Variants in ADAMTSL1 observed in about 807,000 individuals in gnomAD.
ADAMTSL1 encodes the protein ADAMTS like 1.
A neutral mutation model predicts 201.8 loss-of-function variants in ADAMTSL1; 126 were observed. That is an observed-to-expected ratio of 0.62 (90% CI 0.54 to 0.72). The LOEUF (loss-of-function observed/expected upper bound fraction) is 0.72, where lower values mean the gene tolerates loss of function less well. ADAMTSL1 is among the 30% of genes least tolerant of loss of function. The pLI is 0.00. For synonymous variants in ADAMTSL1, 1,121 were observed against 903.4 expected, an observed-to-expected ratio of 1.24 and a Z score of -4.32; for missense variants, 2,679 against 2,277.8, an observed-to-expected ratio of 1.18 and a Z score of -3.59.
chr9:18,713,282 C>T (rs1256461293), intron 14 of ADAMTSL1, among the ~76,000 whole-genome samples: 1 of 151,974 alleles, frequency 6.6e-6, no homozygotes, highest in Non-Finnish European at 1.5e-5. Context: ...ACTAAATGCT[C>T]CAATTAAAAG....
Position 18,062,125 on chromosome 9 carries a change from C to T in ADAMTSL1, c.88-101737C>T, listed in dbSNP as rs1198115703. Among the ~76,000 whole-genome samples the T allele has an allele frequency of 3.3e-5, 5 of 152,164 alleles. No individual in the cohort carries two copies. In the East Asian group the frequency reaches 9.6e-4, roughly 29 times the overall value. On this transcript the variant is annotated intron_variant, in intron 1 of 29. Coordinates refer to the ADAMTSL1 transcript ENST00000680146. ...GGAAGAATGGGTATTTTATGACTCA[C>T]ATAAGTTCTCTAAAGTGTTTTATTT...
chr9:18,610,871 T>A (rs1242445269), intron 4 of ADAMTSL1, among the ~76,000 whole-genome samples: 1 of 151,966 alleles, frequency 6.6e-6, no homozygotes, highest in Non-Finnish European at 1.5e-5. Flanking sequence ...TAAACAAGAG[T>A]TTAATTGTGT....
rs143472024 is a variant in ADAMTSL1 at position 18,680,229 on chromosome 9, A to T, written c.1137-83A>T. ...TCAGAACCTGATTATACCAATAGAC[A>T]TGGGGAGTGGGTTGGTGGACCAGTC... is the stretch of plus-strand genomic sequence containing the variant. On this transcript the variant is annotated intron_variant, in intron 10 of 28. Transcript: ENST00000380548. 1.7e-5 allele frequency: 24 copies of T among 1,376,854 alleles called. No individual in the cohort carries two copies. In the Middle Eastern group the frequency reaches 9.3e-4, roughly 53 times the overall value. The allele number at this position is 1,376,854 out of a possible 1,614,324, so 85.3% of individuals were successfully genotyped here. A position where few individuals can be genotyped will look rare whatever the true frequency, so the allele number is the denominator to read the frequency against.
intron 4 of ADAMTSL1, among the ~76,000 whole-genome samples, chr9:18,595,428 C>A (rs1252881147): frequency 6.6e-6 from 1 of 152,092 alleles, no homozygotes; most frequent in East Asian, 1.9e-4. Flanking sequence ...TTGAGATCTG[C>A]TATGGGATAG....
intron 2 of ADAMTSL1, among the ~76,000 whole-genome samples, chr9:18,227,450 A>G (rs1830472864): frequency 6.6e-6 from 1 of 152,222 alleles, no homozygotes; most frequent in Non-Finnish European, 1.5e-5. Flanking sequence ...TCTATAGATT[A>G]TAAACTCACG....
chr9:18,335,782 A>G (rs1261284494), intron 2 of ADAMTSL1, among the ~76,000 whole-genome samples: 2 of 152,202 alleles, frequency 1.3e-5, no homozygotes, highest in African/African-American at 2.4e-5. Flanking sequence ...AGGTGCTACC[A>G]TATTTTACAT....
intron 2 of ADAMTSL1, among the ~76,000 whole-genome samples, chr9:18,410,507 A>T (rs2133309531): frequency 6.6e-6 from 1 of 152,308 alleles, no homozygotes; most frequent in East Asian, 1.9e-4. Context: ...TAGTTTGCTG[A>T]GAATAATGGC....
intron 16 of ADAMTSL1, among the ~76,000 whole-genome samples, chr9:18,759,009 A>G (rs963363502): frequency 6.6e-6 from 1 of 152,196 alleles, no homozygotes; most frequent in Non-Finnish European, 1.5e-5. Flanking sequence ...TTAAAGAAAA[A>G]AGGTGCTGAA....
At chr9:18,254,606 G>T (rs1295993902) in intron 2 of ADAMTSL1, among the ~76,000 whole-genome samples, 2 of 151,304 alleles carry the variant, frequency 1.3e-5, no homozygotes, top group Non-Finnish European at 2.9e-5. Flanking sequence ...TTCGTGATCC[G>T]CCCGCCTCGG....
intron 2 of ADAMTSL1, among the ~76,000 whole-genome samples, chr9:18,188,992 C>T (rs1158121881): frequency 1.3e-5 from 2 of 152,150 alleles, no homozygotes; most frequent in Non-Finnish European, 2.9e-5. Flanking sequence ...CCTTTGTGCT[C>T]TTTATCGCTG....
Position 18,019,445 on chromosome 9 carries a change from T to G in ADAMTSL1, c.87+112523T>G, listed in dbSNP as rs150752641. Among the ~76,000 whole-genome samples, 59 of 152,204 alleles carry G rather than the reference T, an allele frequency of 3.9e-4. 2 individuals carry two copies. The highest frequency in any genetic ancestry group is 1.4e-3 in the African/African-American group (59 of 41,554). On this transcript the variant is annotated intron_variant, in intron 1 of 29. Coordinates refer to the ADAMTSL1 transcript ENST00000680146. ...AGCTAAGAGTGTGACCGGACCTTTG[T>G]TAAGACCTCAGAGAGATCAAAGGTA...
intron 2 of ADAMTSL1, among the ~76,000 whole-genome samples, chr9:18,244,245 C>T (rs1469025964): frequency 6.6e-6 from 1 of 151,984 alleles, no homozygotes; most frequent in Non-Finnish European, 1.5e-5. Context: ...AGAATGGCAG[C>T]CTGTCTGGCA....
intron 17 of ADAMTSL1, among the ~76,000 whole-genome samples, chr9:18,772,884 G>T (rs117239672): frequency 3.5e-4 from 54 of 152,288 alleles, no homozygotes; most frequent in Admixed American, 3.1e-3. Flanking sequence ...CTTATCCAAC[G>T]AATGTTACTA....
intron 2 of ADAMTSL1, among the ~76,000 whole-genome samples, chr9:18,513,537 C>G (rs186794196): frequency 1.3e-5 from 2 of 152,196 alleles, no homozygotes; most frequent in Admixed American, 1.3e-4. Context: ...GTTGCTTGTG[C>G]TTTTGGTGTT....
intron 9 of ADAMTSL1, among the ~76,000 whole-genome samples, chr9:18,666,684 T>C (rs1305469252): frequency 6.6e-6 from 1 of 152,172 alleles, no homozygotes; most frequent in Non-Finnish European, 1.5e-5. Context: ...GTGTGGCATT[T>C]TTACCTCTTG....
At chr9:17,945,076 G>A (rs1170597313) in intron 1 of ADAMTSL1, among the ~76,000 whole-genome samples, 1 of 52,570 alleles carries the variant, frequency 1.9e-5, no homozygotes. Context: ...TCTGACAAAG[G>A]GCTAATATCC....
At chr9:18,739,235 A>G (rs1170137681) in intron 15 of ADAMTSL1, among the ~76,000 whole-genome samples, 1 of 152,206 alleles carries the variant, frequency 6.6e-6, no homozygotes, top group East Asian at 1.9e-4. Flanking sequence ...TAGATAAATG[A>G]GTTGGCATTC....
chr9:18,010,348 A>G (rs929071772), intron 1 of ADAMTSL1, among the ~76,000 whole-genome samples: 1 of 152,076 alleles, frequency 6.6e-6, no homozygotes, highest in African/African-American at 2.4e-5. Context: ...CATGTATATT[A>G]CATGCTTTCA....
At chr9:18,409,489 C>G (rs1818342689) in intron 2 of ADAMTSL1, among the ~76,000 whole-genome samples, 2 of 151,340 alleles carry the variant, frequency 1.3e-5, no homozygotes, top group African/African-American at 4.8e-5. Context: ...AACTGACATT[C>G]TAATCATATA....
Sources: gnomAD v4.1 joint callset for allele counts (sites outside exome capture counted in the v4.1 genomes callset) on GRCh38, gnomAD v4.1.1 for gene constraint, MANE v1.5 for transcripts, NCBI Gene and HGNC (gene_info 2026-07-23, HGNC 2026-07-21) for gene names.